The following GRIA3 variants were observed in gnomAD, a reference collection of about 807,000 sequenced individuals.
GRIA3 encodes glutamate ionotropic receptor AMPA type subunit 3, also known as glutamate receptor 3.
GRIA3 carries 3 observed loss-of-function variants against 63.0 expected under a neutral mutation model. That is an observed-to-expected ratio of 0.05 (90% confidence interval 0.02 to 0.12). The LOEUF (loss-of-function observed/expected upper bound fraction) is 0.12. Ranked by LOEUF, GRIA3 falls within the 10% of genes least tolerant of loss-of-function variation. The probability of loss-of-function intolerance (pLI) is 1.00; values close to 1 mark genes in which losing one functional copy is unlikely to be tolerated. For missense variants in GRIA3, 347 were observed against 700.9 expected (o/e 0.50, Z 5.70); for synonymous variants, 274 against 257.9 (o/e 1.06, Z -0.60).
At chrX:123,468,192 T>G (rs1408251877) in intron 13 of GRIA3, among the ~76,000 whole-genome samples, 1 of 111,510 alleles carries the variant, frequency 9.0e-6, no homozygotes. Flanking sequence ...TGCCTTTGTC[T>G]TCTTCCTTCT....
intron 5 of GRIA3, among the ~76,000 whole-genome samples, chrX:123,383,051 G>A (rs1178707431): frequency 8.9e-6 from 1 of 111,878 alleles, no homozygotes; most frequent in Non-Finnish European, 1.9e-5. Flanking sequence ...ACCCACAACA[G>A]CAGGTCAATG....
intron 5 of GRIA3, among the ~76,000 whole-genome samples, chrX:123,356,265 TTC>T (rs1261394664): frequency 3.6e-5 from 4 of 110,449 alleles, no homozygotes; most frequent in Non-Finnish European, 7.6e-5. Context: ...TTTCCTTCCT[TTC>T]TGTTTTCCTT....
At chrX:123,478,086 T>A (rs1432631703) in intron 13 of GRIA3, among the ~76,000 whole-genome samples, 1 of 111,785 alleles carries the variant, frequency 8.9e-6, no homozygotes, top group Admixed American at 9.5e-5. Flanking sequence ...TTGCTGAGCC[T>A]GGTGCCACTG....
At chrX:123,452,274 T>C (rs369563660) in intron 12 of GRIA3, among the ~76,000 whole-genome samples, 52 of 110,664 alleles carry the variant, frequency 4.7e-4, no homozygotes, top group African/African-American at 1.6e-3. Context: ...CCCAGGTACA[T>C]AGTATTTCCT....
chrX:123,210,171 G>T (rs1603027462), intron 2 of GRIA3, among the ~76,000 whole-genome samples: 1 of 94,718 alleles, frequency 1.1e-5, no homozygotes. Flanking sequence ...GTTTCAACCT[G>T]CTCCTTTTTT....
chrX:123,200,410 A>G (rs965827931), intron 2 of GRIA3, among the ~76,000 whole-genome samples: 1 of 110,146 alleles, frequency 9.1e-6, no homozygotes, highest in Non-Finnish European at 1.9e-5. Context: ...TTATATTGGA[A>G]GCATTTGTCC....
chrX:123,277,994 A>G (rs770509393), intron 3 of GRIA3, among the ~76,000 whole-genome samples: 5 of 112,214 alleles, frequency 4.5e-5, no homozygotes, highest in East Asian at 2.8e-4. Context: ...GCTTTGACTC[A>G]TAGTAAGAAA....
intron 2 of GRIA3, among the ~76,000 whole-genome samples, chrX:123,250,524 G>A: frequency 9.0e-6 from 1 of 111,689 alleles, no homozygotes; most frequent in Non-Finnish European, 1.9e-5. Flanking sequence ...AATCTAGTCA[G>A]GTTGGAGTTC....
intron 11 of GRIA3, among the ~76,000 whole-genome samples, chrX:123,424,694 T>C (rs1159510649): frequency 9.0e-6 from 1 of 111,569 alleles, no homozygotes; most frequent in South Asian, 3.8e-4. Flanking sequence ...AATGACCATT[T>C]TGCATTTAGA....
At chrX:123,388,128 T>C (rs1325424945) in intron 5 of GRIA3, among the ~76,000 whole-genome samples, 1 of 112,083 alleles carries the variant, frequency 8.9e-6, no homozygotes, top group African/African-American at 3.2e-5. Context: ...TCTGTTTAGG[T>C]TTTCAATTTC....
intron 3 of GRIA3, among the ~76,000 whole-genome samples, chrX:123,305,381 A>G (rs1418705303): frequency 8.9e-6 from 1 of 112,025 alleles, no homozygotes; most frequent in East Asian, 2.8e-4. Flanking sequence ...AGATAAAGAA[A>G]TTAGAGAAAT....
chrX:123,455,582 C>T (rs771057847), intron 12 of GRIA3, among the ~76,000 whole-genome samples: 2 of 111,907 alleles, frequency 1.8e-5, no homozygotes, highest in South Asian at 7.5e-4. Flanking sequence ...GCTCTGATCA[C>T]TTTACATGGT....
intron 12 of GRIA3, among the ~76,000 whole-genome samples, chrX:123,454,582 T>C (rs2045751773): frequency 9.0e-6 from 1 of 110,845 alleles, no homozygotes; most frequent in Non-Finnish European, 1.9e-5. Context: ...TTGTAAGACA[T>C]TTAACAGCTC....
intron 11 of GRIA3, among the ~76,000 whole-genome samples, chrX:123,423,998 C>G (rs140680203): frequency 8.9e-6 from 1 of 111,783 alleles, no homozygotes; most frequent in Admixed American, 9.5e-5. Context: ...ATTAACTTCA[C>G]GCCTCCTCTT....
At chrX:123,223,622 A>T (rs2044229941) in intron 2 of GRIA3, among the ~76,000 whole-genome samples, 1 of 111,789 alleles carries the variant, frequency 8.9e-6, no homozygotes, top group African/African-American at 3.3e-5. Context: ...GGGAACAGAG[A>T]GTTTCTCAAG....
At chrX:123,214,834 G>A (rs1481104484) in intron 2 of GRIA3, among the ~76,000 whole-genome samples, 1 of 112,010 alleles carries the variant, frequency 8.9e-6, no homozygotes, top group Non-Finnish European at 1.9e-5. Context: ...GTGCTGCTAC[G>A]CAACAGTGTT....
intron 11 of GRIA3, among the ~76,000 whole-genome samples, chrX:123,420,350 A>T (rs1164147042): frequency 9.0e-6 from 1 of 111,642 alleles, no homozygotes; most frequent in Non-Finnish European, 1.9e-5. Flanking sequence ...TCATTTATCG[A>T]AGTCACACTT....
chrX:123,198,635 A>AC (rs1245443774), intron 2 of GRIA3, among the ~76,000 whole-genome samples: 2 of 111,184 alleles, frequency 1.8e-5, no homozygotes, highest in African/African-American at 3.3e-5. Flanking sequence ...TTGCTTGGGG[A>AC]CAAAAAAAAA....
intron 12 of GRIA3, among the ~76,000 whole-genome samples, chrX:123,447,649 G>A (rs1245589915): frequency 8.9e-6 from 1 of 112,088 alleles, no homozygotes; most frequent in Non-Finnish European, 1.9e-5. Context: ...TTCTAATGGA[G>A]TTTGACTTGC....
Sources: allele counts gnomAD v4.1 joint callset (sites outside exome capture counted in the v4.1 genomes callset), GRCh38; gene constraint gnomAD v4.1.1; transcripts MANE v1.5; gene names NCBI Gene and HGNC (gene_info 2026-07-23, HGNC 2026-07-21).